The following ATAD3C variants were observed in gnomAD, a reference collection of about 807,000 sequenced individuals.
The protein encoded by ATAD3C is ATPase family AAA domain-containing protein 3C.
ATAD3C carries 38 observed loss-of-function variants against 46.3 expected under a neutral mutation model. The ratio of observed to expected loss-of-function variants is 0.82; its 90% CI spans 0.63 to 1.08. The LOEUF (loss-of-function observed/expected upper bound fraction) is 1.08, where lower values mean the gene tolerates loss of function less well. Among genes scored for constraint, ATAD3C ranks in the 50% least tolerant of loss-of-function variants. The pLI, the probability that ATAD3C is intolerant of heterozygous loss-of-function variation, is 0.00. For missense variants in ATAD3C, 563 were observed against 572.7 expected (o/e 0.98, Z 0.17); for synonymous variants, 220 against 236.4 (o/e 0.93, Z 0.63).
At position 1,455,473 on chromosome 1, in the gene ATAD3C, G is replaced by A. The variant is rs1246005423; in HGVS notation, c.392G>A (p.Arg131Gln). The A allele has an allele frequency of 2.7e-5, 44 of 1,612,412 alleles. 1 individual carries two copies. The highest frequency in any genetic ancestry group is 3.4e-5 in the Non-Finnish European group (40 of 1,179,402). The change falls in exon 5 of 12, where the codon CGG becomes CAG. Residue 131 changes from arginine (R) to glutamine (Q), a missense_variant. Physicochemically the swap from Arg to Gln is conservative, Grantham distance 43. Coordinates refer to ENST00000378785, the MANE Select transcript of ATAD3C (RefSeq NM_001039211.3). The part of the protein sequence containing the change: ...LRHPIQQVSR[R>Q]LLSRPQDVLE... ...CTTCCCCTCCAGCAGGTCAGCCGGC[G>A]GCTCCTCAGTCGACCCCAGGACGTG...
Position 1,460,129 on chromosome 1 carries a change from A to G in ATAD3C, c.813-621A>G, listed in dbSNP as rs542841528. On this transcript the variant is annotated intron_variant, in intron 9 of 11. Coordinates refer to ENST00000378785, the MANE Select transcript of ATAD3C (RefSeq NM_001039211.3). ...CTTTTTCTGCCCAGGCTGAGGTGCAATGGCGTGATCTTGGCTCACTGCAAC... is the reference window on the plus strand; with the variant it reads ...CTTTTTCTGCCCAGGCTGAGGTGCAGTGGCGTGATCTTGGCTCACTGCAAC... Among the ~76,000 whole-genome samples the G allele has an allele frequency of 1.3e-3, 193 of 149,886 alleles. 4 individuals carry two copies. Among genetic ancestry groups the G allele is most frequent in the African/African-American group, 4.6e-3 (188 of 40,528 alleles).
In ATAD3C at chr1:1,457,595, C is replaced by CAAAAAAAAAAA. The variant is rs777757826; in HGVS notation, c.741+424_741+434dup. Among the ~76,000 whole-genome samples, 48 of 36,434 alleles carry CAAAAAAAAAAA rather than the reference C, an allele frequency of 1.3e-3. 4 individuals carry two copies. Among genetic ancestry groups the CAAAAAAAAAAA allele is most frequent in the African/African-American group, 6.5e-3 (48 of 7,366 alleles). 23.9% of individuals were successfully genotyped at this position (36,434 alleles called of 152,430 possible). On this transcript the variant is annotated intron_variant, in intron 8 of 11. Transcript: ENST00000378785. The stretch of plus-strand genomic sequence containing the variant: ...TGGGCGACACAGCGAGACTTCATCT[C>CAAAAAAAAAAA]AAAAAAAAAAAAAAAAAAACAAAAA...
intron 9 of ATAD3C, among the ~76,000 whole-genome samples, chr1:1,460,346 G>T (rs955333121): frequency 6.6e-6 from 1 of 152,042 alleles, no homozygotes; most frequent in Non-Finnish European, 1.5e-5. Context: ...CTCCCAAAGT[G>T]CTGGGATTAT....
chr1:1,462,748 A>G lies in ATAD3C; in HGVS notation c.1089+40A>G. The G allele has an allele frequency of 6.4e-7, 1 of 1,561,900 alleles. No individual in the cohort carries two copies. The highest frequency in any genetic ancestry group is 8.7e-7 in the Non-Finnish European group (1 of 1,148,964). The stretch of plus-strand genomic sequence containing the variant: ...GGTGCACCCACCCAGATGGAAGCCC[A>G]GCTGCTGTGCAGATGCTTGGTTGCG... On this transcript the variant is annotated intron_variant, in intron 11 of 11. Transcript: ENST00000378785. This position sits in a 1 kb window ranked among gnomAD's most constrained non-coding sequence, Gnocchi z 4.5.
At chr1:1,468,362 C>T (rs764298976) in intron 11 of ATAD3C, 22 bp from the exon 12 acceptor site, 2 of 1,595,886 alleles carry the variant, frequency 1.3e-6, no homozygotes, top group East Asian at 4.5e-5. Context: ...CGGCCTCCCT[C>T]AGCTCCCTCT....
rs1638977125 is a variant in ATAD3C at position 1,457,181 on chromosome 1, G to C, written c.741+1G>C. The C allele has an allele frequency of 6.2e-7, 1 of 1,613,490 alleles. No homozygotes were observed. The highest frequency in any genetic ancestry group is 8.5e-7 in the Non-Finnish European group (1 of 1,179,580). On this transcript the variant is annotated splice_donor_variant, in intron 8 of 11. Transcript: ENST00000378785. LOFTEE classifies it high-confidence loss of function. ...CGCCTTCCTTCGGAAGCGAGCCACT[G>C]TGAGTGTCACTAAGCCTCTGTCTGG...
At position 1,457,157 on chromosome 1, in the gene ATAD3C, G is replaced by C; in HGVS notation, c.718G>C (p.Ala240Pro). Residue 240 changes from alanine (A) to proline (P), a missense_variant, in exon 8 of 12, where the codon GCC becomes CCC. This residue lies in a region of ATAD3C where 273 missense variants were observed against 253.5 expected (regional missense o/e 1.08). Coordinates refer to ENST00000378785, the MANE Select transcript of ATAD3C (RefSeq NM_001039211.3). ...CCTGCTCTTTGTGGATGAAGCGGACGCCTTCCTTCGGAAGCGAGCCACTGT... is the reference window on the plus strand; with the variant it reads ...CCTGCTCTTTGTGGATGAAGCGGACCCCTTCCTTCGGAAGCGAGCCACTGT... ...GLLLFVDEAD[A>P]FLRKRATEKI... is the part of the protein sequence containing the mutation. The C allele has an allele frequency of 6.2e-7, 1 of 1,613,400 alleles. No homozygotes were observed. The highest frequency in any genetic ancestry group is 8.5e-7 in the Non-Finnish European group (1 of 1,179,654).
rs1429054767 is a variant in ATAD3C at position 1,469,459 on chromosome 1, C to T, written c.*929C>T. 7.0e-6 allele frequency: 1 copy of T among 142,610 alleles called. No homozygotes were observed. 8.8% of individuals were successfully genotyped at this position (142,610 alleles called of 1,614,324 possible). On this transcript the variant is annotated 3_prime_UTR_variant, in exon 12 of 12. Coordinates refer to ENST00000378785, the MANE Select transcript of ATAD3C (RefSeq NM_001039211.3). The stretch of plus-strand genomic sequence containing the variant: ...AGAGTGAGACTGTACCTCTAAATAA[C>T]CAAAACCTTGATTACAGCCATGGGG...
chr1:1,452,573 C>A, intron 3 of ATAD3C, 139 bp downstream of exon 3: 2 of 1,408,594 alleles, frequency 1.4e-6, no homozygotes, highest in Non-Finnish European at 2.0e-6. Context: ...CAAACTGGAC[C>A]TGCTGGTGGG....
At chr1:1,453,678 T>A (rs1337685525) in intron 3 of ATAD3C, among the ~76,000 whole-genome samples, 1 of 148,040 alleles carries the variant, frequency 6.8e-6, no homozygotes, top group Non-Finnish European at 1.5e-5. Context: ...TCCCTGTTGT[T>A]GCCCAGGCTT....
rs1044124528 is a variant in ATAD3C, at chr1:1,460,989, G to A, written c.980+72G>A. On this transcript the variant is annotated intron_variant, in intron 10 of 11. Transcript: ENST00000378785. ...GGTCCACCCCTGCTCCTGTTCTCCGGACACACCCAGCAGGCCCTGTCTCCA... is the reference window on the plus strand; with the variant it reads ...GGTCCACCCCTGCTCCTGTTCTCCGAACACACCCAGCAGGCCCTGTCTCCA... 82 of 1,489,176 alleles carry A rather than the reference G, an allele frequency of 5.5e-5. 1 individual carries two copies. The highest frequency in any genetic ancestry group is 6.9e-5 in the Non-Finnish European group (77 of 1,113,162). 92.2% of individuals were successfully genotyped at this position (1,489,176 alleles called of 1,614,324 possible). A position where few individuals can be genotyped will look rare whatever the true frequency, so the allele number is the denominator to read the frequency against.
chr1:1,467,798 T>C (rs2100493364), intron 11 of ATAD3C, among the ~76,000 whole-genome samples: 1 of 152,114 alleles, frequency 6.6e-6, no homozygotes, highest in Non-Finnish European at 1.5e-5. Flanking sequence ...GAGAGTGACC[T>C]GTCCATGGCA....
intron 1 of ATAD3C, among the ~76,000 whole-genome samples, 162 bp downstream of exon 1, chr1:1,450,920 G>A (rs1239159306): frequency 2.0e-5 from 3 of 151,910 alleles, no homozygotes; most frequent in Non-Finnish European, 4.4e-5. Context: ...AGGAAACAAG[G>A]GGAGGTGAGA....
chr1:1,470,100 C>T lies in ATAD3C; in HGVS notation c.*1570C>T, dbSNP rs1168557924. The T allele has an allele frequency of 1.3e-5, 2 of 151,936 alleles. 1 individual carries two copies. The highest frequency in any genetic ancestry group is 6.3e-3 in the Middle Eastern group (2 of 316). 9.4% of individuals were successfully genotyped at this position (151,936 alleles called of 1,614,324 possible). A position where few individuals can be genotyped will look rare whatever the true frequency, so the allele number is the denominator to read the frequency against. ...TGATAATCCCACCACCCTTTGCTGA[C>T]TCTCTTTTTGAACTCAGCCCGCCTG... On this transcript the variant is annotated 3_prime_UTR_variant, in exon 12 of 12. Transcript: ENST00000378785.
intron 8 of ATAD3C, among the ~76,000 whole-genome samples, chr1:1,458,320 G>C (rs1351836009): frequency 1.3e-5 from 2 of 151,538 alleles, no homozygotes; most frequent in South Asian, 2.1e-4. Flanking sequence ...TGTCGCCCAG[G>C]CTGGAGTGCA....
At position 1,459,477 on chromosome 1, in the gene ATAD3C, G is replaced by A. The variant is rs537790499; in HGVS notation, c.812+246G>A. 9.9e-5 allele frequency among the ~76,000 whole-genome samples: 15 copies of A among 151,974 alleles called. No individual in the cohort carries two copies. Among genetic ancestry groups the A allele is most frequent in the South Asian group, 2.1e-4 (1 of 4,812 alleles). On this transcript the variant is annotated intron_variant, in intron 9 of 11. Transcript: ENST00000378785. This position sits in a 1 kb window ranked among gnomAD's most constrained non-coding sequence, Gnocchi z 4.9. ...TCCTGTCCTCACGGCCCTGTGCACC[G>A]CCGCCCCAGCTTGCAGGTCCCTCTG...
Position 1,456,241 on chromosome 1 carries a change from C to T in ATAD3C, c.581C>T (p.Ser194Leu). ...TLFAKKLALH[S>L]GMDYAIMTGG... ...CTTGTCCAGAAACTCGCCCTGCACT[C>T]AGGCATGGACTACGCCATCATGACA... The change falls in exon 7 of 12, where the codon TCA (serine) becomes TTA (leucine). Residue 194 changes from serine to leucine, a missense_variant. This residue lies in a region of ATAD3C where 27 missense variants were observed against 76.2 expected (regional missense o/e 0.35). Coordinates refer to ENST00000378785, the MANE Select transcript of ATAD3C (RefSeq NM_001039211.3). 6.7e-7 allele frequency: 1 copy of T among 1,494,034 alleles called. No homozygotes were observed. Among genetic ancestry groups the T allele is most frequent in the Non-Finnish European group, 8.7e-7 (1 of 1,143,064 alleles). The allele number at this position is 1,494,034 out of a possible 1,614,324, so 92.5% of individuals were successfully genotyped here. A position where few individuals can be genotyped will look rare whatever the true frequency, so the allele number is the denominator to read the frequency against.
At chr1:1,457,640 C>T (rs546689099) in intron 8 of ATAD3C, among the ~76,000 whole-genome samples, 1 of 144,578 alleles carries the variant, frequency 6.9e-6, no homozygotes, top group East Asian at 2.0e-4. Flanking sequence ...TTTTTTAGGT[C>T]AGCTTAAAGT....
At chr1:1,452,252 C>T (rs1382514805) in intron 2 of ATAD3C, 113 bp from the exon 3 acceptor site, 2 of 1,585,646 alleles carry the variant, frequency 1.3e-6, no homozygotes, top group African/African-American at 1.3e-5. Flanking sequence ...GGACACTGCC[C>T]CCCTGTCCTG....
Sources: allele counts gnomAD v4.1 joint callset (sites outside exome capture counted in the v4.1 genomes callset), GRCh38; gene constraint gnomAD v4.1.1; regional missense constraint gnomAD v4.1.1; non-coding constraint Gnocchi (gnomAD v3.1); transcripts MANE v1.5; gene names NCBI Gene and HGNC (gene_info 2026-07-23, HGNC 2026-07-21).